RAB4B: variants seen among roughly 807,000 people sequenced by gnomAD.
RAB4B encodes the protein RAB4B, member RAS oncogene family.
Under a neutral mutation model 28.3 loss-of-function variants are expected in RAB4B, and 15 were observed. The ratio of observed to expected loss-of-function variants is 0.53; its 90% CI spans 0.35 to 0.82. The LOEUF (loss-of-function observed/expected upper bound fraction) is 0.82, where lower values mean the gene tolerates loss of function less well. Ranked by LOEUF, RAB4B falls within the 40% of genes least tolerant of loss-of-function variation. The pLI, the probability that RAB4B is intolerant of heterozygous loss-of-function variation, is 0.01. For synonymous variants in RAB4B, 108 were observed against 116.3 expected (o/e 0.93, Z 0.46); for missense variants, 244 against 288.5 (o/e 0.85, Z 1.12).
chr19:40,793,836 A>G (rs1195123791), intron 7 of RAB4B, among the ~76,000 whole-genome samples: 9 of 151,726 alleles, frequency 5.9e-5, no homozygotes, highest in African/African-American at 2.2e-4. Context: ...AGGCAGAGGA[A>G]TAGCTTGATC....
At chr19:40,790,697 G>T in intron 7 of RAB4B, among the ~76,000 whole-genome samples, 1 of 93,216 alleles carries the variant, frequency 1.1e-5, no homozygotes, top group African/African-American at 4.3e-5. Flanking sequence ...ATTTTAGAGA[G>T]AATCTCACTC....
chr19:40,778,915 G>C, intron 1 of RAB4B: 1 of 980,274 alleles, frequency 1.0e-6, no homozygotes, highest in Non-Finnish European at 1.2e-6. Flanking sequence ...GGAAGGAGAG[G>C]TCGGGAAGTG....
intron 3 of RAB4B, 93 bp from the exon 4 acceptor site, chr19:40,783,685 G>C (rs929498284): frequency 5.5e-6 from 7 of 1,270,038 alleles, no homozygotes; most frequent in Non-Finnish European, 7.4e-6. Flanking sequence ...GTGAAGGGGG[G>C]GGCCTCCGAA....
In RAB4B at chr19:40,786,859, C is replaced by G. The variant is rs781217440; in HGVS notation, c.538C>G (p.Pro180Ala). 2 of 1,614,128 alleles carry G rather than the reference C, an allele frequency of 1.2e-6. No individual in the cohort carries two copies. Among genetic ancestry groups the G allele is most frequent in the Non-Finnish European group, 8.5e-7 (1 of 1,180,014 alleles). The change falls in exon 7 of 8, where the codon CCG becomes GCG. Residue 180 changes from proline to alanine, a missense_variant. Transcript: ENST00000357052. ...LNKIDSGELD[P>A]ERMGSGIQYG... ...CCCCTTCCCCACAGGCGAGCTAGAC[C>G]CGGAGAGGATGGGCTCTGGCATTCA...
At chr19:40,792,793 T>C (rs1311614459) in intron 7 of RAB4B, among the ~76,000 whole-genome samples, 1 of 152,202 alleles carries the variant, frequency 6.6e-6, no homozygotes, top group Non-Finnish European at 1.5e-5. Context: ...TCTTTTCTTT[T>C]TTTTGGAGAC....
At chr19:40,795,126 G>A (rs117749804) in intron 7 of RAB4B, among the ~76,000 whole-genome samples, 5 of 140,126 alleles carry the variant, frequency 3.6e-5, no homozygotes, top group Non-Finnish European at 6.0e-5. Flanking sequence ...CCTAGATCGC[G>A]CCACTGCACT....
intron 7 of RAB4B, among the ~76,000 whole-genome samples, chr19:40,790,361 T>G (rs1162477065): frequency 2.6e-5 from 4 of 151,858 alleles, no homozygotes; most frequent in Non-Finnish European, 2.9e-5. Context: ...TCTCTTTTTT[T>G]TTTTTTTGGT....
rs1213049133 is a variant in RAB4B, at chr19:40,780,098, G to A, written c.96G>A (p.Lys32=). 1.9e-6 allele frequency: 3 copies of A among 1,613,224 alleles called. No individual in the cohort carries two copies. In the African/African-American group the frequency reaches 4.0e-5, roughly 22 times the overall value. ...TCCTTCATCAGTTCATTGAGAATAA[G>A]TGTGAGTTTCCCGCAGTGGTCCTGG... ...SCLLHQFIEN[K]FKQDSNHTIG... The change falls in exon 2 of 8, where the codon AAG becomes AAA. Residue 32 remains lysine, a splice_region_variant and synonymous_variant. Transcript: ENST00000357052.
At chr19:40,781,705 A>G (rs2083049882) in intron 3 of RAB4B, among the ~76,000 whole-genome samples, 1 of 152,216 alleles carries the variant, frequency 6.6e-6, no homozygotes, top group East Asian at 1.9e-4. Flanking sequence ...CCTGCAGAGC[A>G]GAAAAGTTGA....
chr19:40,782,375 TG>T (rs2083057313), intron 3 of RAB4B, among the ~76,000 whole-genome samples: 1 of 144,070 alleles, frequency 6.9e-6, no homozygotes, highest in Non-Finnish European at 1.6e-5. Context: ...AAGCAGATGT[TG>T]TATAGTGCTT....
intron 7 of RAB4B, chr19:40,792,460 C>T (rs185412309): frequency 7.2e-4 from 109 of 152,342 alleles, no homozygotes; most frequent in African/African-American, 2.5e-3. Flanking sequence ...AGCAGAGACT[C>T]TGTCCTAGAG....
At chr19:40,787,961 CAAAAAAA>C (rs56997006) in intron 7 of RAB4B, among the ~76,000 whole-genome samples, 2,024 of 69,398 alleles carry the variant, frequency 0.029, 32 homozygotes, top group Non-Finnish European at 0.038. Context: ...GACTCTGTCT[CAAAAAAA>C]AAAAAAAAAA....
intron 7 of RAB4B, chr19:40,792,537 ATCTACAGG>A (rs2083168747): frequency 6.6e-6 from 1 of 152,244 alleles, no homozygotes. Flanking sequence ...GCTGACTGCA[ATCTACAGG>A]AGGAAATATA....
intron 5 of RAB4B, chr19:40,785,755 CTAGAGACACAGTGT>C (rs2083092563): frequency 6.6e-6 from 1 of 152,420 alleles, no homozygotes; most frequent in Non-Finnish European, 1.5e-5. Flanking sequence ...CTAGATGGTG[CTAGAGACACAGTGT>C]TGGAGACAGC....
chr19:40,796,511 T>TA (rs1194888559), intron 7 of RAB4B, 59 bp from the exon 8 acceptor site: 1 of 152,426 alleles, frequency 6.6e-6, no homozygotes, highest in African/African-American at 2.4e-5. Context: ...GGAAATGAGA[T>TA]AGAGACCGGC....
At chr19:40,781,102 G>A (rs2644917) in intron 3 of RAB4B, among the ~76,000 whole-genome samples, 6 of 138,242 alleles carry the variant, frequency 4.3e-5, no homozygotes, top group African/African-American at 1.4e-4. Flanking sequence ...TGGTGAAACC[G>A]TGTCTCTACT....
At chr19:40,793,028 C>T (rs1478674711) in intron 7 of RAB4B, among the ~76,000 whole-genome samples, 3 of 152,084 alleles carry the variant, frequency 2.0e-5, no homozygotes, top group Non-Finnish European at 1.5e-5. Context: ...CCACCCGCCT[C>T]GGTCTCCCAA....
At chr19:40,783,479 A>G (rs377665600) in intron 3 of RAB4B, among the ~76,000 whole-genome samples, 1 of 152,172 alleles carries the variant, frequency 6.6e-6, no homozygotes, top group East Asian at 1.9e-4. Flanking sequence ...AAAGAGACAC[A>G]GAGAGAAAAA....
chr19:40,783,848 C>T lies in RAB4B; in HGVS notation c.275+8C>T. On this transcript the variant is annotated splice_region_variant and intron_variant, in intron 4 of 7. Coordinates refer to ENST00000357052, the MANE Select transcript of RAB4B (RefSeq NM_016154.5). ...GGTGTACGACATCACCAGGTGGGTG[C>T]CCGGGGTGGGTGGGGTAGGGCATGG... The T allele has an allele frequency of 6.3e-7, 1 of 1,575,222 alleles. No individual in the cohort carries two copies. Among genetic ancestry groups the T allele is most frequent in the South Asian group, 1.2e-5 (1 of 86,458 alleles).
Sources: allele counts gnomAD v4.1 joint callset (sites outside exome capture counted in the v4.1 genomes callset), GRCh38; gene constraint gnomAD v4.1.1; transcripts MANE v1.5; gene names NCBI Gene and HGNC (gene_info 2026-07-23, HGNC 2026-07-21).